The following ATAD2B variants were observed in gnomAD, a reference collection of about 807,000 sequenced individuals.
The protein encoded by ATAD2B is ATPase family AAA domain containing 2B, also known as ATPase family AAA domain-containing protein 2B.
Under a neutral mutation model 167.6 loss-of-function variants are expected in ATAD2B, and 40 were observed. The observed-to-expected ratio is 0.24, with a 90% CI of 0.19 to 0.31. ATAD2B has a LOEUF of 0.31. Among genes scored for constraint, ATAD2B ranks in the 10% least tolerant of loss-of-function variants. ATAD2B has a pLI of 1.00. For missense variants in ATAD2B, 1,242 were observed against 1,757.2 expected, an observed-to-expected ratio of 0.71 and a Z score of 5.24; for synonymous variants, 579 against 596.5, an observed-to-expected ratio of 0.97 and a Z score of 0.43.
the ATAD2B span, among the ~76,000 whole-genome samples, chr2:23,680,839 G>A: frequency 1.6e-4 from 24 of 152,118 alleles, no homozygotes; most frequent in African/African-American, 4.6e-4. The surrounding 1 kb of genome is among the most constrained non-coding windows in gnomAD (Gnocchi z 4.1). Context: ...ATCTTCTCCC[G>A]CAGAATCCTG....
intron 19 of ATAD2B, among the ~76,000 whole-genome samples, chr2:23,792,966 A>T: frequency 6.9e-6 from 1 of 145,272 alleles, no homozygotes; most frequent in Admixed American, 6.9e-5. Flanking sequence ...CTGTCTCAAA[A>T]AAAAAAAAAA....
In ATAD2B at chr2:23,769,711, GGT is replaced by G. The variant is rs755256658; in HGVS notation, c.3134-4085_3134-4084del. Among the ~76,000 whole-genome samples the G allele has an allele frequency of 9.5e-3, 1,232 of 129,802 alleles. 12 individuals carry two copies. Among genetic ancestry groups the G allele is most frequent in the Non-Finnish European group, 0.016 (962 of 60,034 alleles). The allele number at this position is 129,802 out of a possible 152,430, so 85.2% of individuals were successfully genotyped here. A position where few individuals can be genotyped will look rare whatever the true frequency, so the allele number is the denominator to read the frequency against. ...AAGTGTTTAATGGTGTCTCACTGTG[GGT>G]TTTTTTTTTTTTTTTTTTTTGAGAC... On this transcript the variant is annotated intron_variant, in intron 22 of 27. Transcript: ENST00000238789.
chr2:23,782,791 C>A, intron 22 of ATAD2B, 78 bp downstream of exon 22: 2 of 1,246,032 alleles, frequency 1.6e-6, no homozygotes, highest in Admixed American at 2.3e-5. Context: ...ATCTAGAACA[C>A]AGGCATGACT....
intron 1 of ATAD2B, among the ~76,000 whole-genome samples, chr2:23,897,762 G>A (rs1283597942): frequency 1.3e-5 from 2 of 151,954 alleles, no homozygotes; most frequent in East Asian, 1.9e-4. Flanking sequence ...AATTCTGTAG[G>A]CTTATTTTAT....
intron 13 of ATAD2B, among the ~76,000 whole-genome samples, chr2:23,839,465 T>C (rs150539269): frequency 7.2e-5 from 11 of 152,272 alleles, no homozygotes; most frequent in Admixed American, 3.3e-4. Context: ...TTGAATTTTA[T>C]TAAACATTTC....
intron 22 of ATAD2B, among the ~76,000 whole-genome samples, chr2:23,767,921 A>G (rs1409924570): frequency 6.6e-6 from 1 of 151,866 alleles, no homozygotes; most frequent in African/African-American, 2.4e-5. Flanking sequence ...AAAAAAAAAC[A>G]GAATAGAGAG....
intron 7 of ATAD2B, among the ~76,000 whole-genome samples, chr2:23,880,396 G>A (rs533108735): frequency 1.3e-5 from 2 of 151,998 alleles, no homozygotes; most frequent in African/African-American, 4.8e-5. Flanking sequence ...CACCATGTTA[G>A]CCAGGATGGT....
the ATAD2B span, among the ~76,000 whole-genome samples, chr2:23,682,692 ACCCTCCCGCG>A: frequency 1.4e-5 from 2 of 141,054 alleles, no homozygotes; most frequent in African/African-American, 2.7e-5. The surrounding 1 kb of genome is among the most constrained non-coding windows in gnomAD (Gnocchi z 4.1). Flanking sequence ...ACCCTCCCGC[ACCCTCCCGCG>A]CCCTCCCACT....
intron 15 of ATAD2B, among the ~76,000 whole-genome samples, chr2:23,823,825 TAAAAC>T (rs1297441953): frequency 3.3e-5 from 5 of 152,062 alleles, no homozygotes; most frequent in African/African-American, 1.2e-4. Context: ...CTAACAATAT[TAAAAC>T]AAAACAAGCT....
chr2:23,753,666 C>T (rs17508218), intron 27 of ATAD2B, among the ~76,000 whole-genome samples: 18,273 of 152,144 alleles, frequency 0.12, 1,175 homozygotes, highest in Middle Eastern at 0.21. Context: ...AGGACAGTCG[C>T]TCCTTCATAT....
the ATAD2B span, among the ~76,000 whole-genome samples, chr2:23,683,483 A>G: frequency 6.6e-6 from 1 of 152,210 alleles, no homozygotes; most frequent in Non-Finnish European, 1.5e-5. Flanking sequence ...CAACCCCAAC[A>G]GGGTGACTGG....
intron 1 of ATAD2B, among the ~76,000 whole-genome samples, chr2:23,910,332 C>T (rs1023158263): frequency 6.6e-6 from 1 of 151,486 alleles, no homozygotes; most frequent in Non-Finnish European, 1.5e-5. Flanking sequence ...GCATGCACCA[C>T]GATGCTCAGC....
At chr2:23,840,425 T>TTTGGCC (rs1295943259) in intron 13 of ATAD2B, among the ~76,000 whole-genome samples, 1 of 152,178 alleles carries the variant, frequency 6.6e-6, no homozygotes, top group Non-Finnish European at 1.5e-5. Flanking sequence ...AGAACCAACT[T>TTTGGCC]TTGGCCTTCT....
At chr2:23,888,532 T>C (rs1287342579) in intron 2 of ATAD2B, 133 bp from the exon 3 acceptor site, 3 of 587,508 alleles carry the variant, frequency 5.1e-6, no homozygotes, top group African/African-American at 3.9e-5. Flanking sequence ...TACTGTAAGA[T>C]TGGTAATATG....
the ATAD2B span, among the ~76,000 whole-genome samples, chr2:23,717,927 G>T: frequency 1.3e-5 from 2 of 152,140 alleles, no homozygotes; most frequent in Non-Finnish European, 2.9e-5. Flanking sequence ...AAACTAGAAA[G>T]GATGTAACAG....
At chr2:23,877,079 A>AG (rs1696970978) in intron 7 of ATAD2B, among the ~76,000 whole-genome samples, 1 of 151,508 alleles carries the variant, frequency 6.6e-6, no homozygotes, top group Non-Finnish European at 1.5e-5. Context: ...AAAAAAAAAA[A>AG]AAAAAGAAAG....
chr2:23,719,312 G>A, the ATAD2B span, among the ~76,000 whole-genome samples: 4 of 152,076 alleles, frequency 2.6e-5, no homozygotes, highest in African/African-American at 9.7e-5. Context: ...GACATACAAG[G>A]AACTAGGAAT....
At chr2:23,899,144 C>A (rs1700484941) in intron 1 of ATAD2B, among the ~76,000 whole-genome samples, 1 of 151,852 alleles carries the variant, frequency 6.6e-6, no homozygotes, top group Non-Finnish European at 1.5e-5. Context: ...GGGAAACTGT[C>A]GCAAAAGAAT....
intron 8 of ATAD2B, 35 bp from the exon 9 acceptor site, chr2:23,869,796 T>A (rs1195647621): frequency 7.1e-7 from 1 of 1,405,032 alleles, no homozygotes; most frequent in Admixed American, 2.2e-5. Context: ...AAAACCATTA[T>A]AATAGCAAAC....
Sources: gnomAD v4.1 joint callset for allele counts (sites outside exome capture counted in the v4.1 genomes callset) on GRCh38, gnomAD v4.1.1 for gene constraint, Gnocchi (gnomAD v3.1) non-coding constraint, MANE v1.5 for transcripts, NCBI Gene and HGNC (gene_info 2026-07-23, HGNC 2026-07-21) for gene names.